ANO3: variants seen among roughly 807,000 people sequenced by gnomAD.
ANO3 encodes anoctamin 3, also known as anoctamin-3.
ANO3 carries 99 observed loss-of-function variants against 144.8 expected under a neutral mutation model. The ratio of observed to expected loss-of-function variants is 0.68; its 90% CI spans 0.58 to 0.81. ANO3 has a LOEUF of 0.81. ANO3 is among the 30% of genes least tolerant of loss of function. The pLI is 0.00. For synonymous variants in ANO3, 414 were observed against 392.6 expected (o/e 1.05, Z -0.64); for missense variants, 905 against 1,202.2 (o/e 0.75, Z 3.66).
intron 14 of ANO3, among the ~76,000 whole-genome samples, chr11:26,597,487 C>T (rs1473161206): frequency 2.0e-5 from 3 of 152,140 alleles, no homozygotes; most frequent in East Asian, 1.9e-4. Context: ...ACAGTGGACA[C>T]CCTGCCGGAT....
At chr11:26,493,068 T>C (rs1487993327) in intron 4 of ANO3, among the ~76,000 whole-genome samples, 1 of 152,218 alleles carries the variant, frequency 6.6e-6, no homozygotes, top group East Asian at 1.9e-4. Flanking sequence ...GACGTCACTT[T>C]AATATTCATT....
At position 26,269,058 on chromosome 11, in the gene ANO3, A is replaced by T. The variant is rs140544157; in HGVS notation, c.155-40587A>T. Among the ~76,000 whole-genome samples the T allele has an allele frequency of 7.9e-5, 12 of 152,252 alleles. No homozygotes were observed. In the East Asian group the frequency reaches 2.3e-3, roughly 29 times the overall value. ...GGCCATAACCTATTTGTGATCCCCC[A>T]GGCCCAACCAGAGGCAATTGCAGGA... On this transcript the variant is annotated intron_variant, in intron 1 of 27. Coordinates refer to the ANO3 transcript ENST00000672621.
At chr11:26,297,069 T>C (rs1854107984) in intron 1 of ANO3, among the ~76,000 whole-genome samples, 1 of 152,112 alleles carries the variant, frequency 6.6e-6, no homozygotes, top group African/African-American at 2.4e-5. Context: ...AAAATATTTA[T>C]ATAATATACT....
At position 26,394,687 on chromosome 11, in the gene ANO3, C is replaced by A. The variant is rs796418243; in HGVS notation, c.47-47231C>A. 9.3e-5 allele frequency among the ~76,000 whole-genome samples: 14 copies of A among 151,162 alleles called. 1 individual carries two copies. The highest frequency in any genetic ancestry group is 3.4e-4 in the African/African-American group (14 of 41,106). ...CCGCCTCCCAGGTTCAAGCAATTCTCCTGCCTCAGCCTACCAAGTAGCTGG... is the reference window on the plus strand; with the variant it reads ...CCGCCTCCCAGGTTCAAGCAATTCTACTGCCTCAGCCTACCAAGTAGCTGG... On this transcript the variant is annotated intron_variant, in intron 1 of 26. Transcript: ENST00000256737.
intron 14 of ANO3, among the ~76,000 whole-genome samples, chr11:26,575,588 A>G (rs1167440001): frequency 6.6e-6 from 1 of 152,174 alleles, no homozygotes; most frequent in African/African-American, 2.4e-5. Context: ...CCATTTTTAT[A>G]AAGCACTGGA....
At chr11:26,267,915 TG>T (rs1184006893) in intron 1 of ANO3, among the ~76,000 whole-genome samples, 1 of 152,156 alleles carries the variant, frequency 6.6e-6, no homozygotes, top group Non-Finnish European at 1.5e-5. Context: ...TTGAATCATA[TG>T]CTAAAATAAA....
chr11:26,305,041 C>T (rs574816380), upstream of ANO3, among the ~76,000 whole-genome samples: 1 of 151,202 alleles, frequency 6.6e-6, no homozygotes, highest in Admixed American at 6.6e-5. Flanking sequence ...GGGTCCAGTT[C>T]GATCTTCTCA....
chr11:26,534,333 A>T (rs1327686916), intron 8 of ANO3, 123 bp from the exon 9 acceptor site: 31 of 532,392 alleles, frequency 5.8e-5, no homozygotes, highest in East Asian at 2.1e-4. Flanking sequence ...ATTTTTTTTT[A>T]AAGAGGATGA....
intron 26 of ANO3, among the ~76,000 whole-genome samples, chr11:26,659,096 A>ACC (rs1260824876): frequency 6.8e-6 from 1 of 146,506 alleles, no homozygotes; most frequent in African/African-American, 2.6e-5. Context: ...ACACACACAC[A>ACC]CACATATATA....
chr11:26,370,312 G>A (rs1292624633), intron 1 of ANO3, among the ~76,000 whole-genome samples: 3 of 152,128 alleles, frequency 2.0e-5, no homozygotes, highest in East Asian at 1.9e-4. Context: ...AAAGAAGGAC[G>A]TGTTTGCTTC....
At chr11:26,576,770 T>C (rs1184624408) in intron 14 of ANO3, among the ~76,000 whole-genome samples, 1 of 152,210 alleles carries the variant, frequency 6.6e-6, no homozygotes, top group Non-Finnish European at 1.5e-5. Context: ...TACGTTTTTG[T>C]CTGTTTTCTG....
chr11:26,598,394 A>T lies in ANO3; in HGVS notation c.1477A>T (p.Arg493Ter). 6.4e-7 allele frequency: 1 copy of T among 1,565,612 alleles called. No homozygotes were observed. Among genetic ancestry groups the T allele is most frequent in the Non-Finnish European group, 8.6e-7 (1 of 1,157,262 alleles). ...AGTCTTCCTGGAGTTTTGGAAAAGG[A>T]GAAGGAGTATACTGACCTATACTTG... ...ATVFLEFWKRRRSILTYTWDL... is the reference protein window; with the variant it reads ...ATVFLEFWKR The change falls in exon 15 of 27, where the codon AGA becomes TGA. Residue 493 changes from arginine (R) to a stop codon, truncating the protein, a stop_gained. Transcript: ENST00000256737. LOFTEE classifies it high-confidence loss of function.
At chr11:26,590,690 A>ATGTG (rs1286994842) in intron 14 of ANO3, among the ~76,000 whole-genome samples, 2 of 152,328 alleles carry the variant, frequency 1.3e-5, no homozygotes, top group East Asian at 1.9e-4. Context: ...GCACTTAGCC[A>ATGTG]TGTGGGAACA....
intron 4 of ANO3, among the ~76,000 whole-genome samples, chr11:26,480,690 C>A (rs59284407): frequency 0.053 from 8,061 of 151,994 alleles, 408 homozygotes; most frequent in African/African-American, 0.13. Flanking sequence ...TACCTGTAGA[C>A]CCAGCTACTT....
At chr11:26,413,718 TTTC>T (rs1263265097) in intron 1 of ANO3, among the ~76,000 whole-genome samples, 1 of 152,060 alleles carries the variant, frequency 6.6e-6, no homozygotes, top group African/African-American at 2.4e-5. Flanking sequence ...TTAATAAGGA[TTTC>T]TTATTAATCA....
At chr11:26,618,848 A>C (rs2132990443) in intron 17 of ANO3, among the ~76,000 whole-genome samples, 1 of 152,306 alleles carries the variant, frequency 6.6e-6, no homozygotes, top group South Asian at 2.1e-4. Flanking sequence ...TTATCTTTGA[A>C]AATTACAGTT....
intron 24 of ANO3, among the ~76,000 whole-genome samples, chr11:26,648,281 T>G (rs2133076241): frequency 6.6e-6 from 1 of 152,254 alleles, no homozygotes; most frequent in South Asian, 2.1e-4. Context: ...TTGAAGGAAC[T>G]GTCAGCTCTG....
At chr11:26,213,034 C>A (rs12222777) in intron 1 of ANO3, among the ~76,000 whole-genome samples, 53,411 of 151,782 alleles carry the variant, frequency 0.35, 9,673 homozygotes, top group Non-Finnish European at 0.38. Context: ...CAAAAACCAC[C>A]TGATTATCTC....
chr11:26,214,238 G>T (rs1339439200), intron 1 of ANO3, among the ~76,000 whole-genome samples: 2 of 151,692 alleles, frequency 1.3e-5, no homozygotes, highest in Non-Finnish European at 2.9e-5. Context: ...ATGTACTGAT[G>T]AATATAAGTA....
Sources: gnomAD v4.1 joint callset for allele counts (sites outside exome capture counted in the v4.1 genomes callset) on GRCh38, gnomAD v4.1.1 for gene constraint, MANE v1.5 for transcripts, NCBI Gene and HGNC (gene_info 2026-07-23, HGNC 2026-07-21) for gene names.